PLCB1: variants seen among roughly 807,000 people sequenced by gnomAD.
The protein encoded by PLCB1 is 1-phosphatidylinositol 4,5-bisphosphate phosphodiesterase beta-1.
PLCB1 carries 46 observed loss-of-function variants against 161.8 expected under a neutral mutation model. The observed-to-expected ratio is 0.28, with a 90% CI of 0.22 to 0.36. PLCB1 has a LOEUF of 0.36. Ranked by LOEUF, PLCB1 falls within the 10% of genes least tolerant of loss-of-function variation. The probability of loss-of-function intolerance (pLI) is 1.00; values close to 1 mark genes in which losing one functional copy is unlikely to be tolerated. For synonymous variants in PLCB1, 517 were observed against 503.7 expected, an observed-to-expected ratio of 1.03 and a Z score of -0.35; for missense variants, 1,016 against 1,472.5, an observed-to-expected ratio of 0.69 and a Z score of 5.07.
At chr20:8,578,321 G>A (rs1986736795) in intron 3 of PLCB1, among the ~76,000 whole-genome samples, 1 of 152,208 alleles carries the variant, frequency 6.6e-6, no homozygotes, top group Admixed American at 6.5e-5. Flanking sequence ...TTTTCAGTGT[G>A]TGAAGGTTGT....
At chr20:8,633,101 T>TACACAC (rs58802999) in intron 4 of PLCB1, among the ~76,000 whole-genome samples, 309 of 142,338 alleles carry the variant, frequency 2.2e-3, no homozygotes, top group Middle Eastern at 3.6e-3. Flanking sequence ...TGCATGTATG[T>TACACAC]ACACACACAC....
intron 3 of PLCB1, among the ~76,000 whole-genome samples, chr20:8,421,210 A>T (rs1313803615): frequency 3.9e-5 from 6 of 152,316 alleles, no homozygotes; most frequent in African/African-American, 1.2e-4. Flanking sequence ...AAAGTTTTGT[A>T]TGTACCCACT....
At chr20:8,398,037 A>AC (rs1224245640) in intron 3 of PLCB1, among the ~76,000 whole-genome samples, 1 of 151,580 alleles carries the variant, frequency 6.6e-6, no homozygotes, top group Non-Finnish European at 1.5e-5. Flanking sequence ...ACCATTTTCT[A>AC]CCCCCCTTGC....
At chr20:8,499,869 G>A (rs912219484) in intron 3 of PLCB1, among the ~76,000 whole-genome samples, 15 of 152,158 alleles carry the variant, frequency 9.9e-5, no homozygotes, top group African/African-American at 3.6e-4. Flanking sequence ...TCGGTGCAGG[G>A]AACACTGATA....
chr20:8,738,979 G>A (rs1311778459), intron 20 of PLCB1, among the ~76,000 whole-genome samples: 3 of 152,232 alleles, frequency 2.0e-5, no homozygotes, highest in Non-Finnish European at 4.4e-5. Flanking sequence ...GTGAAATGCT[G>A]TCTCTACTAA....
intron 3 of PLCB1, among the ~76,000 whole-genome samples, chr20:8,376,712 A>G (rs960393136): frequency 2.0e-4 from 30 of 152,114 alleles, no homozygotes; most frequent in Admixed American, 9.2e-4. Context: ...GCGGATCACG[A>G]GGTCAGGAGA....
intron 2 of PLCB1, among the ~76,000 whole-genome samples, chr20:8,367,818 C>T (rs1986764091): frequency 6.6e-6 from 1 of 152,176 alleles, no homozygotes; most frequent in Non-Finnish European, 1.5e-5. Context: ...TGTGGTCATG[C>T]ATTGGGTTCC....
At chr20:8,472,699 G>A (rs564244657) in intron 3 of PLCB1, among the ~76,000 whole-genome samples, 6 of 152,024 alleles carry the variant, frequency 3.9e-5, no homozygotes, top group Admixed American at 2.0e-4. Context: ...AGTTATCTTC[G>A]TCATTGAGAT....
chr20:8,662,837 T>C (rs1254328805), intron 9 of PLCB1, among the ~76,000 whole-genome samples: 1 of 151,820 alleles, frequency 6.6e-6, no homozygotes, highest in East Asian at 1.9e-4. Flanking sequence ...AGGGGACAGT[T>C]CATGGAAGAG....
chr20:8,554,836 A>C (rs769684557), intron 3 of PLCB1, among the ~76,000 whole-genome samples: 20 of 152,156 alleles, frequency 1.3e-4, no homozygotes, highest in Non-Finnish European at 2.6e-4. Context: ...TTGCTGTTCT[A>C]CGTTAACTCA....
chr20:8,837,449 A>G (rs149571776), intron 31 of PLCB1, among the ~76,000 whole-genome samples: 2 of 152,224 alleles, frequency 1.3e-5, no homozygotes, highest in African/African-American at 4.8e-5. Flanking sequence ...GAATTTATTG[A>G]TATGGATAAA....
intron 14 of PLCB1, among the ~76,000 whole-genome samples, chr20:8,719,413 C>T (rs1293685027): frequency 1.3e-5 from 2 of 152,086 alleles, no homozygotes; most frequent in African/African-American, 4.8e-5. Flanking sequence ...ACCAAATACT[C>T]GTCAACAGAT....
intron 1 of PLCB1, among the ~76,000 whole-genome samples, chr20:8,146,823 G>A (rs1349457031): frequency 6.6e-6 from 1 of 152,122 alleles, no homozygotes; most frequent in Non-Finnish European, 1.5e-5. Context: ...CACTATTTAT[G>A]ATATAGGAAT....
At chr20:8,210,899 G>A (rs1297990455) in intron 2 of PLCB1, among the ~76,000 whole-genome samples, 1 of 152,120 alleles carries the variant, frequency 6.6e-6, no homozygotes, top group East Asian at 1.9e-4. Flanking sequence ...TTGGTGATGT[G>A]ACACTCTGCT....
At chr20:8,260,818 G>C (rs957183657) in intron 2 of PLCB1, among the ~76,000 whole-genome samples, 6 of 152,114 alleles carry the variant, frequency 3.9e-5, no homozygotes, top group African/African-American at 1.2e-4. Context: ...TTCTCAAGCT[G>C]CTGCGGGTAC....
At chr20:8,333,306 G>A (rs6077350) in intron 2 of PLCB1, among the ~76,000 whole-genome samples, 36,729 of 152,114 alleles carry the variant, frequency 0.24, 4,680 homozygotes, top group South Asian at 0.44. Flanking sequence ...AAGGCACTGA[G>A]TTCTGTGTTA....
rs1033400 is a variant in PLCB1 at position 8,169,263 on chromosome 20, C to A, written c.177+18892C>A. Among the ~76,000 whole-genome samples the A allele has an allele frequency of 0.029, 4,469 of 152,166 alleles. 487 individuals are homozygous for A. In the East Asian group the frequency reaches 0.33, roughly 11 times the overall value. On this transcript the variant is annotated intron_variant, in intron 2 of 31. Coordinates refer to ENST00000338037, the MANE Select transcript of PLCB1 (RefSeq NM_015192.4). ...TCCATAATTGTTCTTTTGTAGGATA[C>A]CCTGTATCAGATTATAGACTCTGAA...
chr20:8,585,940 T>C (rs1345865501), intron 3 of PLCB1, among the ~76,000 whole-genome samples: 1 of 152,224 alleles, frequency 6.6e-6, no homozygotes, highest in Non-Finnish European at 1.5e-5. Context: ...TTTTTCCCGT[T>C]AGATTGTAAA....
chr20:8,509,742 ATAG>A (rs1983793578), intron 3 of PLCB1, among the ~76,000 whole-genome samples: 2 of 94,514 alleles, frequency 2.1e-5, no homozygotes, highest in Non-Finnish European at 4.7e-5. Context: ...AGATAGATAG[ATAG>A]ATAGATAGAT....
Sources: gnomAD v4.1 joint callset for allele counts (sites outside exome capture counted in the v4.1 genomes callset) on GRCh38, gnomAD v4.1.1 for gene constraint, MANE v1.5 for transcripts, NCBI Gene and HGNC (gene_info 2026-07-23, HGNC 2026-07-21) for gene names.